The following MRPS15 variants were observed in gnomAD, a reference collection of about 807,000 sequenced individuals.
The protein encoded by MRPS15 is small ribosomal subunit protein uS15m.
MRPS15 carries 25 observed loss-of-function variants against 30.7 expected under a neutral mutation model. The ratio of observed to expected loss-of-function variants is 0.81; its 90% confidence interval spans 0.59 to 1.14. The LOEUF (loss-of-function observed/expected upper bound fraction) is 1.14. Ranked by LOEUF, MRPS15 falls within the 50% of genes most tolerant of loss-of-function variation. The pLI, the probability that MRPS15 is intolerant of heterozygous loss-of-function variation, is 0.00. For synonymous variants in MRPS15, 124 were observed against 120.1 expected (o/e 1.03, Z -0.21); for missense variants, 313 against 321.7 (o/e 0.97, Z 0.21).
At chr1:36,459,395 G>A (rs1196372375) in intron 5 of MRPS15, 1 of 125,026 alleles carries the variant, frequency 8.0e-6, no homozygotes, top group Non-Finnish European at 1.6e-5. Context: ...AGTGAGATCC[G>A]GTCTCAAAAA....
intron 6 of MRPS15, 155 bp from the exon 7 acceptor site, chr1:36,456,533 A>G: frequency 1.4e-6 from 1 of 726,796 alleles, no homozygotes; most frequent in South Asian, 2.2e-5. Context: ...TGTTATTCCC[A>G]TTTTACAGAT....
At chr1:36,464,070 T>G (rs1650157054) in intron 1 of MRPS15, 76 bp downstream of exon 1, 1 of 1,576,926 alleles carries the variant, frequency 6.3e-7, no homozygotes, top group Non-Finnish European at 8.6e-7. Context: ...TCTCCCCTAC[T>G]CCTGTGCTTC....
chr1:36,460,114 C>T (rs1650065716), intron 5 of MRPS15, among the ~76,000 whole-genome samples: 1 of 152,190 alleles, frequency 6.6e-6, no homozygotes, highest in Non-Finnish European at 1.5e-5. Flanking sequence ...AGGTTCACGC[C>T]ATTCTCCTGC....
rs201522148 is a variant in MRPS15 at position 36,456,246 on chromosome 1, G to T, written c.577C>A (p.Pro193Thr). Residue 193 changes from proline to threonine, a missense_variant, in exon 7 of 8, where the codon CCT becomes ACT. Coordinates refer to ENST00000373116, the MANE Select transcript of MRPS15 (RefSeq NM_031280.4). Reference protein sequence around the residue: ...WGLGIEYTFPPLYYRRAHRRF... With the variant: ...WGLGIEYTFPTLYYRRAHRRF... ...CGGTGGGCTCTTCGGTAATACAGAG[G>T]GGGGAAGGTGTACTCAATTCCCAGC... 6.6e-5 allele frequency: 107 copies of T among 1,613,840 alleles called. No homozygotes were observed. Among genetic ancestry groups the T allele is most frequent in the Admixed American group, 1.0e-4 (6 of 59,978 alleles).
rs1013059856 is a variant in MRPS15 at position 36,458,003 on chromosome 1, G to A, written c.386-22C>T. On this transcript the variant is annotated intron_variant, in intron 5 of 7. Coordinates refer to ENST00000373116, the MANE Select transcript of MRPS15 (RefSeq NM_031280.4). The surrounding 1 kb of genome is among the most constrained non-coding windows in gnomAD (Gnocchi z 4.5). ...ATAACTGAAACCACAAACCACAGAG[G>A]ATGAGAGTTGGGCACAGAGGAAGGA... 1.9e-6 allele frequency: 3 copies of A among 1,612,722 alleles called. No homozygotes were observed. Among genetic ancestry groups the A allele is most frequent in the African/African-American group, 2.7e-5 (2 of 74,890 alleles).
intron 5 of MRPS15, among the ~76,000 whole-genome samples, chr1:36,459,957 C>G (rs1650062904): frequency 6.6e-6 from 1 of 152,196 alleles, no homozygotes; most frequent in Non-Finnish European, 1.5e-5. Flanking sequence ...CAACATTATT[C>G]CCTTGGGAAT....
intron 2 of MRPS15, among the ~76,000 whole-genome samples, chr1:36,463,512 G>A (rs990011263): frequency 6.6e-6 from 1 of 152,194 alleles, no homozygotes; most frequent in Non-Finnish European, 1.5e-5. Context: ...CAGAAGCGCA[G>A]ACACAAAGTG....
rs1365254604 is a variant in MRPS15, at chr1:36,462,182, G to A, written c.176-19C>T. The A allele has an allele frequency of 6.3e-7, 1 of 1,591,910 alleles. No homozygotes were observed. The highest frequency in any genetic ancestry group is 8.6e-7 in the Non-Finnish European group (1 of 1,162,250). On this transcript the variant is annotated intron_variant, in intron 2 of 7. Coordinates refer to ENST00000373116, the MANE Select transcript of MRPS15 (RefSeq NM_031280.4). The stretch of plus-strand genomic sequence containing the variant: ...GACTGGGCTGTCAAGTAAATATGGG[G>A]ATAGAAAACACCCAGAGTCAACTCT...
chr1:36,456,404 G>A, intron 6 of MRPS15, 26 bp from the exon 7 acceptor site: 1 of 1,565,682 alleles, frequency 6.4e-7, no homozygotes, highest in Middle Eastern at 1.7e-4. Flanking sequence ...ATTACTTTTA[G>A]TATTATATAA....
At position 36,457,972 on chromosome 1, in the gene MRPS15, A is replaced by G. The variant is rs1557580146; in HGVS notation, c.395T>C (p.Leu132Ser). Residue 132 changes from leucine (L) to serine (S), a missense_variant, in exon 6 of 8, where the codon TTG (leucine) becomes TCG (serine). Coordinates refer to ENST00000373116, the MANE Select transcript of MRPS15 (RefSeq NM_031280.4). ...TRSLEARIIA[L>S]SVKIRSYEEH... ...TTCATAACTGCGGATCTTGACAGAC[A>G]AGGCAATAACTGAAACCACAAACCA... 6.2e-7 allele frequency: 1 copy of G among 1,614,234 alleles called. No individual in the cohort carries two copies. Among genetic ancestry groups the G allele is most frequent in the Non-Finnish European group, 8.5e-7 (1 of 1,180,032 alleles).
intron 4 of MRPS15, 118 bp downstream of exon 4, chr1:36,461,146 T>C: frequency 1.0e-6 from 1 of 974,012 alleles, no homozygotes; most frequent in Non-Finnish European, 1.7e-6. Flanking sequence ...GGAGGCAGAA[T>C]GACAGTGGGC....
At chr1:36,462,208 C>T (rs779636782) in intron 2 of MRPS15, 45 bp from the exon 3 acceptor site, 8 of 1,457,856 alleles carry the variant, frequency 5.5e-6, no homozygotes, top group African/African-American at 2.8e-5. Flanking sequence ...AGTCAACTCT[C>T]GCTGCCCACC....
intron 1 of MRPS15, 42 bp downstream of exon 1, chr1:36,464,104 C>T: frequency 6.2e-7 from 1 of 1,603,952 alleles, no homozygotes; most frequent in South Asian, 1.1e-5. Context: ...TTCGCCGAAC[C>T]CTGTTTCCCT....
At chr1:36,456,060 C>T (rs1649987739) in intron 7 of MRPS15, 127 bp downstream of exon 7, 1 of 1,479,870 alleles carries the variant, frequency 6.8e-7, no homozygotes, top group Non-Finnish European at 9.1e-7. Context: ...CCTGTGACCT[C>T]CCTGGATCCA....
intron 5 of MRPS15, among the ~76,000 whole-genome samples, chr1:36,460,364 C>T (rs1426193758): frequency 6.6e-6 from 1 of 152,132 alleles, no homozygotes; most frequent in Non-Finnish European, 1.5e-5. Flanking sequence ...TGTTTACATC[C>T]CCTAGCTGCC....
chr1:36,462,948 G>C (rs1182590678), intron 2 of MRPS15, among the ~76,000 whole-genome samples: 1 of 150,288 alleles, frequency 6.7e-6, no homozygotes, highest in Non-Finnish European at 1.5e-5. Flanking sequence ...TTGGGGCCAT[G>C]TCCAGCCAAT....
chr1:36,461,059 G>A (rs972386883), intron 4 of MRPS15, among the ~76,000 whole-genome samples: 5 of 152,222 alleles, frequency 3.3e-5, no homozygotes, highest in Admixed American at 3.3e-4. Context: ...GCACCTGTTT[G>A]TCAGGTGCTA....
rs940142423 is a variant in MRPS15, at chr1:36,458,286, T to C, written c.386-305A>G. On this transcript the variant is annotated intron_variant, in intron 5 of 7. Transcript: ENST00000373116. The surrounding 1 kb of genome is among the most constrained non-coding windows in gnomAD (Gnocchi z 4.5). ...CTCTGTTGCCCAGGCTGGAGTGCAG[T>C]GGTGCGATCTCGGCTCACCGCAGCC... 5.0e-5 allele frequency: 13 copies of C among 261,034 alleles called. No homozygotes were observed. In the Admixed American group the frequency reaches 6.2e-4, roughly 12 times the overall value. The allele number at this position is 261,034 out of a possible 1,614,324, so 16.2% of individuals were successfully genotyped here. A position where few individuals can be genotyped will look rare whatever the true frequency, so the allele number is the denominator to read the frequency against.
At chr1:36,456,759 A>C (rs1376334799) in intron 6 of MRPS15, among the ~76,000 whole-genome samples, 1 of 152,176 alleles carries the variant, frequency 6.6e-6, no homozygotes, top group Non-Finnish European at 1.5e-5. Flanking sequence ...ATGCCTACCC[A>C]CAGCTGGCTG....
Sources: allele counts gnomAD v4.1 joint callset (sites outside exome capture counted in the v4.1 genomes callset), GRCh38; gene constraint gnomAD v4.1.1; non-coding constraint Gnocchi (gnomAD v3.1); transcripts MANE v1.5; gene names NCBI Gene and HGNC (gene_info 2026-07-23, HGNC 2026-07-21).